RNF2: variants seen among roughly 807,000 people sequenced by gnomAD.
RNF2 encodes the protein E3 ubiquitin-protein ligase RING2.
RNF2 carries 6 observed loss-of-function variants against 37.2 expected under a neutral mutation model. The observed-to-expected ratio is 0.16, with a 90% confidence interval of 0.09 to 0.32. The LOEUF (loss-of-function observed/expected upper bound fraction) is 0.32. Ranked by LOEUF, RNF2 falls within the 10% of genes least tolerant of loss-of-function variation. RNF2 has a pLI of 1.00. For missense variants in RNF2, 251 were observed against 404.0 expected (o/e 0.62, Z 3.25); for synonymous variants, 133 against 132.7 (o/e 1.00, Z -0.02).
chr1:185,093,835 ATGGCGTGT>A (rs1651837480), intron 4 of RNF2, among the ~76,000 whole-genome samples: 1 of 152,204 alleles, frequency 6.6e-6, no homozygotes, highest in South Asian at 2.1e-4. Flanking sequence ...ACTGTGAAAT[ATGGCGTGT>A]CCCAGAGACC....
chr1:185,061,028 G>A (rs1650581410), intron 1 of RNF2, among the ~76,000 whole-genome samples: 2 of 152,028 alleles, frequency 1.3e-5, no homozygotes, highest in South Asian at 4.1e-4. Flanking sequence ...GACATGGGAG[G>A]ATCGCTTGAG....
At chr1:185,050,595 A>C (rs2102149498) in intron 1 of RNF2, among the ~76,000 whole-genome samples, 1 of 152,348 alleles carries the variant, frequency 6.6e-6, no homozygotes, top group South Asian at 2.1e-4. Flanking sequence ...TACTTTTTTC[A>C]GTGGCTGATG....
chr1:185,082,345 C>CTTTTTTTTTTTTTT lies in RNF2; in HGVS notation c.-2-5198_-2-5185dup, dbSNP rs3036553. Among the ~76,000 whole-genome samples, 329 of 71,956 alleles carry CTTTTTTTTTTTTTT rather than the reference C, an allele frequency of 4.6e-3. 41 individuals are homozygous for CTTTTTTTTTTTTTT. Among genetic ancestry groups the CTTTTTTTTTTTTTT allele is most frequent in the African/African-American group, 8.5e-3 (196 of 23,012 alleles). The allele number at this position is 71,956 out of a possible 152,430, so 47.2% of individuals were successfully genotyped here. A position where few individuals can be genotyped will look rare whatever the true frequency, so the allele number is the denominator to read the frequency against. On this transcript the variant is annotated intron_variant, in intron 1 of 6. Coordinates refer to ENST00000367510, the MANE Select transcript of RNF2 (RefSeq NM_007212.4). ...CAAGGTTCTTGTCTCCTCTGCAGAA[C>CTTTTTTTTTTTTTT]TTTTTTTTTTTTTTTTTTTTTTGAA...
chr1:185,077,779 C>T (rs1651220426), intron 1 of RNF2, among the ~76,000 whole-genome samples: 1 of 145,694 alleles, frequency 6.9e-6, no homozygotes, highest in African/African-American at 2.5e-5. Flanking sequence ...TCCCCTTTTA[C>T]TTTGTTTAGG....
At chr1:185,060,479 A>G (rs1650565549) in intron 1 of RNF2, among the ~76,000 whole-genome samples, 2 of 152,226 alleles carry the variant, frequency 1.3e-5, no homozygotes, top group South Asian at 4.2e-4. Context: ...AGGACTCAAA[A>G]TTTTTCTGTT....
In RNF2 at chr1:185,071,162, A is replaced by T. The variant is rs140670199; in HGVS notation, c.-2-16390A>T. Among the ~76,000 whole-genome samples, 179 of 152,292 alleles carry T rather than the reference A, an allele frequency of 1.2e-3. 2 individuals are homozygous for T. The East Asian group carries it at 0.032, about 27-fold the overall frequency. On this transcript the variant is annotated intron_variant, in intron 1 of 6. Coordinates refer to ENST00000367510, the MANE Select transcript of RNF2 (RefSeq NM_007212.4). The stretch of plus-strand genomic sequence containing the variant: ...TAGCCTCAGTAAATCTATACTTTAC[A>T]TATGAAAAGAGGGAGTAGAGGAAAA...
intron 1 of RNF2, among the ~76,000 whole-genome samples, chr1:185,060,222 T>C (rs1346749242): frequency 6.6e-6 from 1 of 152,236 alleles, no homozygotes; most frequent in African/African-American, 2.4e-5. Context: ...GTAAATCTTT[T>C]AGCTTTGCTT....
chr1:185,082,345 C>CTGTTTTTTTTTTTTTTTTTTTTTTTT (rs1651443262), intron 1 of RNF2, among the ~76,000 whole-genome samples: 1 of 72,000 alleles, frequency 1.4e-5, no homozygotes, highest in Non-Finnish European at 2.9e-5. Context: ...CTCTGCAGAA[C>CTGTTTTTTTTTTTTTTTTTTTTTTTT]TTTTTTTTTT....
At chr1:185,056,420 G>A (rs1345329363) in intron 1 of RNF2, among the ~76,000 whole-genome samples, 1 of 151,234 alleles carries the variant, frequency 6.6e-6, no homozygotes, top group African/African-American at 2.4e-5. Flanking sequence ...GTGCAGTGGC[G>A]TGATCATAGC....
At chr1:185,089,253 C>T (rs1168478248) in intron 2 of RNF2, among the ~76,000 whole-genome samples, 3 of 152,218 alleles carry the variant, frequency 2.0e-5, no homozygotes, top group Non-Finnish European at 4.4e-5. Flanking sequence ...TTGCCTGCTG[C>T]TCACCTCCTG....
intron 3 of RNF2, among the ~76,000 whole-genome samples, chr1:185,092,291 C>CTCAGCCTCCTGAGTAGCTGGG (rs1651788840): frequency 6.6e-6 from 1 of 152,088 alleles, no homozygotes; most frequent in African/African-American, 2.4e-5. Context: ...ATTCTCCTGC[C>CTCAGCCTCCTGAGTAGCTGGG]TCAGCCTCCT....
chr1:185,053,440 T>A (rs1571292302), intron 1 of RNF2, among the ~76,000 whole-genome samples: 1 of 152,034 alleles, frequency 6.6e-6, no homozygotes, highest in Non-Finnish European at 1.5e-5. Context: ...GCTCAAGTGA[T>A]CCTCCCGCCT....
intron 1 of RNF2, chr1:185,071,522 A>G (rs573180523): frequency 3.5e-4 from 54 of 152,432 alleles, no homozygotes; most frequent in African/African-American, 1.3e-3. Context: ...CCCCTTTGGC[A>G]TCGTGCGTTT....
intron 1 of RNF2, among the ~76,000 whole-genome samples, chr1:185,085,879 T>A (rs974517591): frequency 3.3e-5 from 5 of 152,100 alleles, no homozygotes; most frequent in Non-Finnish European, 7.3e-5. Flanking sequence ...CTCGAACTCC[T>A]CACCTCAGGT....
intron 1 of RNF2, among the ~76,000 whole-genome samples, chr1:185,080,180 T>C (rs918588762): frequency 1.1e-4 from 16 of 152,350 alleles, no homozygotes; most frequent in African/African-American, 3.8e-4. Flanking sequence ...TCCATTCTTG[T>C]TCTTTTCCTC....
intron 1 of RNF2, among the ~76,000 whole-genome samples, chr1:185,062,616 A>G (rs985664436): frequency 6.6e-6 from 1 of 152,190 alleles, no homozygotes. Context: ...ATGCCATAGA[A>G]GAAAAGTACA....
intron 1 of RNF2, among the ~76,000 whole-genome samples, chr1:185,069,362 C>T (rs970588446): frequency 8.6e-5 from 13 of 150,322 alleles, no homozygotes; most frequent in South Asian, 8.4e-4. Context: ...GAGGCTAAGA[C>T]GGGAGGATTG....
chr1:185,062,283 G>A (rs1277691220), intron 1 of RNF2, among the ~76,000 whole-genome samples: 1 of 152,176 alleles, frequency 6.6e-6, no homozygotes, highest in African/African-American at 2.4e-5. Context: ...ATCATTTATT[G>A]TTGACAGTGT....
At chr1:185,075,509 C>G (rs1024866831) in intron 1 of RNF2, among the ~76,000 whole-genome samples, 7 of 152,202 alleles carry the variant, frequency 4.6e-5, no homozygotes, top group African/African-American at 1.4e-4. Flanking sequence ...GTGTAACTCC[C>G]TGAGACCGGA....
Sources: allele counts gnomAD v4.1 joint callset (sites outside exome capture counted in the v4.1 genomes callset), GRCh38; gene constraint gnomAD v4.1.1; transcripts MANE v1.5; gene names NCBI Gene and HGNC (gene_info 2026-07-23, HGNC 2026-07-21).